SYT16: variants seen among roughly 807,000 people sequenced by gnomAD.
The protein encoded by SYT16 is synaptotagmin 16, also known as synaptotagmin-16.
A neutral mutation model predicts 61.4 loss-of-function variants in SYT16; 42 were observed. The ratio of observed to expected loss-of-function variants is 0.68; its 90% CI spans 0.53 to 0.89. The LOEUF is 0.89. Ranked by LOEUF, SYT16 falls within the 40% of genes least tolerant of loss-of-function variation. SYT16 has a pLI of 0.00. For missense variants in SYT16, 804 were observed against 807.3 expected (o/e 1.00, Z 0.05); for synonymous variants, 314 against 302.3 (o/e 1.04, Z -0.40).
chr14:61,843,168 C>T (rs921022055), intron 1 of SYT16, among the ~76,000 whole-genome samples: 9 of 151,968 alleles, frequency 5.9e-5, no homozygotes, highest in East Asian at 1.9e-4. Flanking sequence ...AACTGTTCTT[C>T]GTAGTTATTG....
intron 2 of SYT16, among the ~76,000 whole-genome samples, chr14:61,972,154 G>A (rs547316094): frequency 7.9e-5 from 12 of 152,300 alleles, no homozygotes; most frequent in Admixed American, 3.9e-4. Context: ...GGTGCCTATA[G>A]CAATGCAACA....
chr14:61,901,925 C>A (rs979617253), intron 1 of SYT16, among the ~76,000 whole-genome samples: 2 of 152,060 alleles, frequency 1.3e-5, no homozygotes, highest in South Asian at 2.1e-4. Flanking sequence ...CCACTCCCAG[C>A]TAATTTTTAT....
chr14:62,076,417 G>A (rs546406215), intron 5 of SYT16, among the ~76,000 whole-genome samples: 3 of 151,334 alleles, frequency 2.0e-5, no homozygotes, highest in African/African-American at 7.3e-5. Context: ...AGGACTTGGA[G>A]TGTCACACAC....
At chr14:61,937,776 G>A (rs2050040471) in intron 1 of SYT16, among the ~76,000 whole-genome samples, 2 of 152,130 alleles carry the variant, frequency 1.3e-5, no homozygotes, top group African/African-American at 4.8e-5. Context: ...GAGGAAAGAG[G>A]AAGGATGGAA....
At chr14:61,974,194 G>T (rs541957424) in intron 2 of SYT16, among the ~76,000 whole-genome samples, 1 of 152,148 alleles carries the variant, frequency 6.6e-6, no homozygotes, top group African/African-American at 2.4e-5. Flanking sequence ...TGGTGGGAGC[G>T]GGGGCAGAGA....
intron 3 of SYT16, among the ~76,000 whole-genome samples, chr14:62,059,701 TAC>T (rs887506006): frequency 8.1e-6 from 1 of 123,928 alleles, no homozygotes; most frequent in Non-Finnish European, 1.5e-5. Context: ...TGTATATATA[TAC>T]ATATAATTTT....
chr14:61,851,850 T>C (rs1052805422), intron 1 of SYT16, among the ~76,000 whole-genome samples: 2 of 152,222 alleles, frequency 1.3e-5, no homozygotes, highest in African/African-American at 4.8e-5. Context: ...TTTTCTTCCA[T>C]TCTGTAGCTT....
At chr14:61,881,443 G>C (rs1193403650) in intron 1 of SYT16, among the ~76,000 whole-genome samples, 1 of 152,198 alleles carries the variant, frequency 6.6e-6, no homozygotes, top group Non-Finnish European at 1.5e-5. Flanking sequence ...CATGATACCA[G>C]TGTCATCCTT....
intron 1 of SYT16, among the ~76,000 whole-genome samples, chr14:61,955,552 C>G (rs896339175): frequency 6.6e-6 from 1 of 151,860 alleles, no homozygotes. Context: ...ATTTATCTTT[C>G]TCTGTGTGTC....
rs557719407 is a variant in SYT16, at chr14:61,917,387, C to T, written c.-324-52745C>T. Reference sequence around the variant, plus strand: ...TGGGCCACAGGGATTGACTGGTTCACGGACAAGTAAATAAGCCTAGTGGTC... The same window carrying T: ...TGGGCCACAGGGATTGACTGGTTCATGGACAAGTAAATAAGCCTAGTGGTC... On this transcript the variant is annotated intron_variant, in intron 1 of 7. Coordinates refer to ENST00000683842, the MANE Select transcript of SYT16 (RefSeq NM_001367656.1). Among the ~76,000 whole-genome samples the T allele has an allele frequency of 5.9e-5, 9 of 152,244 alleles. No homozygotes were observed. The East Asian group carries it at 7.7e-4, about 13-fold the overall frequency.
chr14:62,037,087 A>T (rs1470447051), intron 3 of SYT16, among the ~76,000 whole-genome samples: 1 of 152,156 alleles, frequency 6.6e-6, no homozygotes, highest in Admixed American at 6.5e-5. Flanking sequence ...AGCAACTAGG[A>T]ACAAGTTATT....
chr14:61,832,672 A>G (rs1385589792), intron 1 of SYT16, among the ~76,000 whole-genome samples: 1 of 152,174 alleles, frequency 6.6e-6, no homozygotes, highest in Non-Finnish European at 1.5e-5. Context: ...ACCTGACCTC[A>G]GGTGATCCGC....
chr14:62,049,140 C>T (rs921768522), intron 3 of SYT16, among the ~76,000 whole-genome samples: 2 of 152,116 alleles, frequency 1.3e-5, no homozygotes, highest in Non-Finnish European at 2.9e-5. Context: ...TAAGGACTTG[C>T]TTTATGAATC....
intron 3 of SYT16, among the ~76,000 whole-genome samples, chr14:62,044,415 T>C (rs56185531): frequency 0.14 from 20,911 of 152,004 alleles, 1,728 homozygotes; most frequent in South Asian, 0.26. Flanking sequence ...AAGCCCCGCA[T>C]GCATTAGGTA....
At chr14:61,990,333 T>C (rs1566742755) in intron 2 of SYT16, among the ~76,000 whole-genome samples, 1 of 152,134 alleles carries the variant, frequency 6.6e-6, no homozygotes, top group Non-Finnish European at 1.5e-5. Context: ...CACAAGAAAG[T>C]TAACTGAAAG....
chr14:62,093,929 G>A (rs1045205597), intron 7 of SYT16, among the ~76,000 whole-genome samples: 4 of 152,042 alleles, frequency 2.6e-5, no homozygotes, highest in Non-Finnish European at 5.9e-5. Context: ...AAGTAGTTAT[G>A]TGACTGTTCT....
chr14:61,992,977 A>C (rs920325093), intron 2 of SYT16, among the ~76,000 whole-genome samples: 2 of 148,176 alleles, frequency 1.3e-5, no homozygotes, highest in African/African-American at 2.5e-5. Flanking sequence ...TTTTTTACAA[A>C]ATTTGCCATT....
intron 1 of SYT16, among the ~76,000 whole-genome samples, chr14:61,947,673 C>G (rs2050500686): frequency 6.6e-6 from 1 of 152,172 alleles, no homozygotes; most frequent in Non-Finnish European, 1.5e-5. Flanking sequence ...AGGATTAAGG[C>G]ATCAGGAATA....
intron 1 of SYT16, among the ~76,000 whole-genome samples, chr14:61,926,791 AC>A (rs71449569): frequency 2.0e-5 from 3 of 151,644 alleles, no homozygotes; most frequent in African/African-American, 4.8e-5. Flanking sequence ...CCTCCCCCTC[AC>A]CCCCCACCCT....
Sources: allele counts gnomAD v4.1 joint callset (sites outside exome capture counted in the v4.1 genomes callset), GRCh38; gene constraint gnomAD v4.1.1; transcripts MANE v1.5; gene names NCBI Gene and HGNC (gene_info 2026-07-23, HGNC 2026-07-21).